The following GABRG3 variants were observed in gnomAD, a reference collection of about 807,000 sequenced individuals.
GABRG3 encodes gamma-aminobutyric acid type A receptor subunit gamma3.
Under a neutral mutation model 48.8 loss-of-function variants are expected in GABRG3, and 25 were observed. The ratio of observed to expected loss-of-function variants is 0.51; its 90% CI spans 0.37 to 0.72. The LOEUF (loss-of-function observed/expected upper bound fraction) is 0.72, where lower values mean the gene tolerates loss of function less well. Among genes scored for constraint, GABRG3 ranks in the 30% least tolerant of loss-of-function variants. The probability of loss-of-function intolerance (pLI) is 0.00; values close to 1 mark genes in which losing one functional copy is unlikely to be tolerated. For synonymous variants in GABRG3, 227 were observed against 217.6 expected (o/e 1.04, Z -0.38); for missense variants, 394 against 577.9 (o/e 0.68, Z 3.26).
rs149839855 is a variant in GABRG3, at chr15:27,540,718, G to A, written c.*7837G>A. ...AGCTCCGGTACTGAGCAAAAGGTTC[G>A]TTGTTTAGGAGTGAAATTTTCTGTG... On this transcript the variant is annotated 3_prime_UTR_variant, in exon 10 of 10. Coordinates refer to ENST00000615808, the MANE Select transcript of GABRG3 (RefSeq NM_033223.5). 1.3e-5 allele frequency: 2 copies of A among 152,152 alleles called. No homozygotes were observed. The highest frequency in any genetic ancestry group is 4.8e-5 in the African/African-American group (2 of 41,434). 9.4% of individuals were successfully genotyped at this position (152,152 alleles called of 1,614,324 possible).
At chr15:27,407,936 A>C (rs1267638896) in intron 5 of GABRG3, among the ~76,000 whole-genome samples, 1 of 152,234 alleles carries the variant, frequency 6.6e-6, no homozygotes, top group Non-Finnish European at 1.5e-5. Context: ...GTACACAAGA[A>C]GAGTGAACCC....
chr15:27,295,429 G>C (rs1891949599), intron 3 of GABRG3, among the ~76,000 whole-genome samples: 1 of 152,092 alleles, frequency 6.6e-6, no homozygotes, highest in African/African-American at 2.4e-5. Context: ...TTCTGATAAT[G>C]GCGAACGAGG....
intron 3 of GABRG3, among the ~76,000 whole-genome samples, chr15:27,095,596 C>T (rs1462523966): frequency 2.0e-5 from 3 of 152,112 alleles, no homozygotes; most frequent in African/African-American, 4.8e-5. Context: ...TTTTCATAAC[C>T]GAGTGTATAC....
chr15:27,493,192 T>G (rs917523211), intron 6 of GABRG3, among the ~76,000 whole-genome samples: 1 of 152,254 alleles, frequency 6.6e-6, no homozygotes, highest in African/African-American at 2.4e-5. Flanking sequence ...TGTTAATATC[T>G]TGGTACATAT....
chr15:27,198,954 A>C (rs1019449346), intron 3 of GABRG3, among the ~76,000 whole-genome samples: 2 of 151,838 alleles, frequency 1.3e-5, no homozygotes, highest in Admixed American at 6.6e-5. Flanking sequence ...ATGAGAACCT[A>C]TGGGCACAGA....
chr15:27,102,065 T>C lies in GABRG3; in HGVS notation c.270+75244T>C, dbSNP rs886529959. ...ACCACGTCCGGCCTCTCTACGTCCA[T>C]GTGAACCAAGCCACGCCATCGTGGA... On this transcript the variant is annotated intron_variant, in intron 3 of 9. Transcript: ENST00000615808. 4.6e-5 allele frequency among the ~76,000 whole-genome samples: 7 copies of C among 151,758 alleles called. No homozygotes were observed. The South Asian group carries it at 1.0e-3, about 22-fold the overall frequency.
At chr15:27,250,383 C>T (rs1298480698) in intron 3 of GABRG3, among the ~76,000 whole-genome samples, 1 of 152,188 alleles carries the variant, frequency 6.6e-6, no homozygotes, top group Admixed American at 6.5e-5. Flanking sequence ...GGCTGCATTC[C>T]AAGTGCTAAC....
chr15:27,373,197 C>T (rs1056800968), intron 5 of GABRG3, among the ~76,000 whole-genome samples: 4 of 152,168 alleles, frequency 2.6e-5, no homozygotes, highest in Admixed American at 6.5e-5. Flanking sequence ...TAGGAAATAA[C>T]GAACTTGAAT....
chr15:27,380,412 CTG>C (rs1018902645), intron 5 of GABRG3, among the ~76,000 whole-genome samples: 2 of 150,334 alleles, frequency 1.3e-5, no homozygotes, highest in African/African-American at 4.9e-5. Context: ...TTTATTTAAA[CTG>C]TGTGTGTGTG....
chr15:27,480,847 T>C (rs1343179514), intron 6 of GABRG3, 60 bp downstream of exon 6: 1 of 1,594,054 alleles, frequency 6.3e-7, no homozygotes, highest in African/African-American at 1.3e-5. Context: ...AGGCCATATG[T>C]AGTCATATCC....
chr15:27,490,698 C>T (rs1890328008), intron 6 of GABRG3, among the ~76,000 whole-genome samples: 2 of 152,188 alleles, frequency 1.3e-5, no homozygotes, highest in South Asian at 4.1e-4. Flanking sequence ...TGAATGCACC[C>T]AAAATAGTTC....
At chr15:27,350,037 G>T (rs991462935) in intron 5 of GABRG3, 3 of 453,304 alleles carry the variant, frequency 6.6e-6, no homozygotes, top group South Asian at 4.7e-5. Flanking sequence ...CCAGGTTAGG[G>T]TTGCAGTTTT....
intron 2 of GABRG3, among the ~76,000 whole-genome samples, chr15:26,987,922 G>A (rs1895180246): frequency 6.6e-6 from 1 of 152,112 alleles, no homozygotes; most frequent in South Asian, 2.1e-4. Context: ...TTTGACCAAT[G>A]TAGTATTTAG....
intron 3 of GABRG3, among the ~76,000 whole-genome samples, chr15:27,174,111 G>C (rs570007963): frequency 1.3e-5 from 2 of 152,082 alleles, no homozygotes; most frequent in South Asian, 2.1e-4. Context: ...AAAACGAATG[G>C]CAATGTTATT....
At chr15:27,060,128 C>T (rs1180429265) in intron 3 of GABRG3, among the ~76,000 whole-genome samples, 1 of 152,120 alleles carries the variant, frequency 6.6e-6, no homozygotes, top group Non-Finnish European at 1.5e-5. Context: ...GTTTAAAATC[C>T]AGTTGGTTTT....
intron 5 of GABRG3, among the ~76,000 whole-genome samples, chr15:27,470,859 GC>G (rs1889767126): frequency 1.3e-5 from 2 of 151,662 alleles, no homozygotes; most frequent in South Asian, 4.2e-4. Context: ...CAAAGCCAAA[GC>G]TATAAAGGAA....
Position 27,256,496 on chromosome 15 carries a change from G to T in GABRG3, c.271-70313G>T, listed in dbSNP as rs147718070. Among the ~76,000 whole-genome samples the T allele has an allele frequency of 4.0e-4, 61 of 151,542 alleles. 2 individuals carry two copies. The highest frequency in any genetic ancestry group is 3.4e-3 in the Middle Eastern group (1 of 292). On this transcript the variant is annotated intron_variant, in intron 3 of 9. Coordinates refer to ENST00000615808, the MANE Select transcript of GABRG3 (RefSeq NM_033223.5). ...TTTTAGGCTCTTATGTTAAGGGTAG[G>T]GGGGGCGGGGAGAAGAGAAGGGGGC...
At chr15:26,977,203 A>C in intron 2 of GABRG3, 53 bp downstream of exon 2, 1 of 1,553,850 alleles carries the variant, frequency 6.4e-7, no homozygotes, top group Non-Finnish European at 8.7e-7. Context: ...AGTGATATGA[A>C]GTTTTTACTT....
Position 27,236,971 on chromosome 15 carries a change from A to G in GABRG3, c.271-89838A>G, listed in dbSNP as rs557642022. ...GCTTGTGCTGGAGGTTATGCTTCCC[A>G]GCCTGCAGGACGGCCACCCGTATGA... On this transcript the variant is annotated intron_variant, in intron 3 of 9. Transcript: ENST00000615808. The surrounding 1 kb of genome is among the most constrained non-coding windows in gnomAD (Gnocchi z 4.4). Among the ~76,000 whole-genome samples, 1 of 152,306 alleles carries G rather than the reference A, an allele frequency of 6.6e-6. No individual in the cohort carries two copies. The highest frequency in any genetic ancestry group is 1.9e-4 in the East Asian group (1 of 5,176).
Sources: allele counts gnomAD v4.1 joint callset (sites outside exome capture counted in the v4.1 genomes callset), GRCh38; gene constraint gnomAD v4.1.1; non-coding constraint Gnocchi (gnomAD v3.1); transcripts MANE v1.5; gene names NCBI Gene and HGNC (gene_info 2026-07-23, HGNC 2026-07-21).